The following CTNNA2 variants were observed in gnomAD, a reference collection of about 807,000 sequenced individuals.
CTNNA2 encodes the protein catenin alpha 2.
In CTNNA2, 42 loss-of-function variants were observed where a neutral mutation model predicts 101.0. The ratio of observed to expected loss-of-function variants is 0.42; its 90% CI spans 0.32 to 0.54. CTNNA2 has a LOEUF of 0.54. Ranked by LOEUF, CTNNA2 falls within the 20% of genes least tolerant of loss-of-function variation. The pLI, the probability that CTNNA2 is intolerant of heterozygous loss-of-function variation, is 0.14. For missense variants in CTNNA2, 871 were observed against 1,223.1 expected (o/e 0.71, Z 4.29); for synonymous variants, 450 against 456.4 (o/e 0.99, Z 0.18).
chr2:80,253,088 A>G (rs1671885576), intron 7 of CTNNA2, among the ~76,000 whole-genome samples: 1 of 151,966 alleles, frequency 6.6e-6, no homozygotes, highest in South Asian at 2.1e-4. Context: ...CTTTCACATC[A>G]CCATTATCTT....
chr2:80,504,552 G>T (rs753421612), intron 9 of CTNNA2, among the ~76,000 whole-genome samples: 6 of 152,156 alleles, frequency 3.9e-5, no homozygotes, highest in Non-Finnish European at 7.3e-5. Flanking sequence ...GGTGGTCTTA[G>T]AATTTTGTCT....
intron 7 of CTNNA2, among the ~76,000 whole-genome samples, chr2:80,089,781 T>A (rs1268454516): frequency 6.6e-6 from 1 of 151,958 alleles, no homozygotes; most frequent in African/African-American, 2.4e-5. Context: ...TCCAAGGGAC[T>A]CTTTTCCCAG....
chr2:79,442,099 T>G (rs1217679122), intron 4 of CTNNA2, among the ~76,000 whole-genome samples: 1 of 152,206 alleles, frequency 6.6e-6, no homozygotes, highest in Non-Finnish European at 1.5e-5. Context: ...TAAGTATTTA[T>G]TTGTTTATTA....
At chr2:80,195,167 G>A (rs1257741563) in intron 7 of CTNNA2, among the ~76,000 whole-genome samples, 1 of 152,092 alleles carries the variant, frequency 6.6e-6, no homozygotes, top group Non-Finnish European at 1.5e-5. Context: ...TCTAATGTAT[G>A]AGTATTCTCT....
chr2:79,486,329 G>T (rs2104560538), intron 4 of CTNNA2, among the ~76,000 whole-genome samples: 1 of 151,406 alleles, frequency 6.6e-6, no homozygotes, highest in South Asian at 2.1e-4. Flanking sequence ...GCGGTGTTTG[G>T]TTTTTTGTCC....
intron 7 of CTNNA2, among the ~76,000 whole-genome samples, chr2:80,392,327 A>G (rs150931849): frequency 7.9e-5 from 12 of 152,290 alleles, no homozygotes; most frequent in Middle Eastern, 3.4e-3. Context: ...GTTTGACTAA[A>G]ATTTAGATAA....
At chr2:79,606,485 G>A (rs955247592) in intron 1 of CTNNA2, among the ~76,000 whole-genome samples, 1 of 151,960 alleles carries the variant, frequency 6.6e-6, no homozygotes, top group African/African-American at 2.4e-5. Context: ...AGCCAAGATG[G>A]TCTCCACCTC....
intron 7 of CTNNA2, among the ~76,000 whole-genome samples, chr2:79,994,213 A>G (rs1464878663): frequency 6.6e-6 from 1 of 152,164 alleles, no homozygotes; most frequent in African/African-American, 2.4e-5. Context: ...CACTGCATCC[A>G]GCCAAAAGAG....
intron 7 of CTNNA2, among the ~76,000 whole-genome samples, chr2:80,089,147 G>A (rs981154214): frequency 1.3e-5 from 2 of 151,930 alleles, no homozygotes; most frequent in Non-Finnish European, 1.5e-5. Flanking sequence ...TCCTTAGCTG[G>A]TTTTTCTGAA....
At chr2:80,360,218 C>A (rs1329788574) in intron 7 of CTNNA2, among the ~76,000 whole-genome samples, 2 of 152,046 alleles carry the variant, frequency 1.3e-5, no homozygotes, top group East Asian at 3.9e-4. Flanking sequence ...TTTATATATG[C>A]TGAAAAGTTC....
intron 4 of CTNNA2, among the ~76,000 whole-genome samples, chr2:79,475,034 A>G (rs188866945): frequency 1.3e-5 from 2 of 152,312 alleles, no homozygotes; most frequent in Admixed American, 1.3e-4. Flanking sequence ...AATGAGTATA[A>G]AAATGTATGA....
chr2:79,654,044 A>G (rs1681440145), intron 2 of CTNNA2, among the ~76,000 whole-genome samples: 1 of 152,174 alleles, frequency 6.6e-6, no homozygotes, highest in Admixed American at 6.5e-5. Flanking sequence ...CCAAGAAGTT[A>G]ATGGTTTTCT....
chr2:79,982,638 A>G (rs1281242328), intron 7 of CTNNA2, among the ~76,000 whole-genome samples: 1 of 151,864 alleles, frequency 6.6e-6, no homozygotes, highest in Non-Finnish European at 1.5e-5. Context: ...ACTCAGTGTA[A>G]AATGACAACT....
chr2:79,714,041 C>T (rs1685913399), intron 2 of CTNNA2, among the ~76,000 whole-genome samples: 2 of 152,080 alleles, frequency 1.3e-5, no homozygotes, highest in Admixed American at 1.3e-4. Context: ...AACTGAATTC[C>T]ACCCTGCTTG....
intron 7 of CTNNA2, among the ~76,000 whole-genome samples, chr2:80,276,660 G>A (rs1038933447): frequency 1.3e-5 from 2 of 151,882 alleles, no homozygotes; most frequent in African/African-American, 4.8e-5. Context: ...GGAGAAGGAG[G>A]AGGAGGAGGA....
At position 79,993,501 on chromosome 2, in the gene CTNNA2, A is replaced by G. The variant is rs113659680; in HGVS notation, c.1056+83704A>G. Among the ~76,000 whole-genome samples the G allele has an allele frequency of 8.9e-3, 1,354 of 152,362 alleles. 12 individuals are homozygous for G. Among genetic ancestry groups the G allele is most frequent in the East Asian group, 0.036 (188 of 5,196 alleles). On this transcript the variant is annotated intron_variant, in intron 7 of 18. Coordinates refer to ENST00000402739, the MANE Select transcript of CTNNA2 (RefSeq NM_001282597.3). The stretch of plus-strand genomic sequence containing the variant: ...CTTAAGATCTCATCAAAGATGCAGT[A>G]TACAGTCACATGAAGAAGTGGAGTA...
chr2:79,272,520 A>T (rs1675107787), intron 2 of CTNNA2, among the ~76,000 whole-genome samples: 1 of 152,118 alleles, frequency 6.6e-6, no homozygotes, highest in African/African-American at 2.4e-5. Context: ...AATATTACTT[A>T]TTGGACATCA....
chr2:79,979,774 C>G (rs545827337), intron 7 of CTNNA2, among the ~76,000 whole-genome samples: 9 of 151,740 alleles, frequency 5.9e-5, no homozygotes, highest in Non-Finnish European at 1.2e-4. Context: ...CTTTAAGGCC[C>G]TGCACACTTA....
At chr2:79,673,439 G>A (rs936192306) in intron 2 of CTNNA2, among the ~76,000 whole-genome samples, 1 of 152,076 alleles carries the variant, frequency 6.6e-6, no homozygotes, top group Non-Finnish European at 1.5e-5. Flanking sequence ...TAGCTTTGTA[G>A]GAGATCAGGT....
Sources: gnomAD v4.1 joint callset for allele counts (sites outside exome capture counted in the v4.1 genomes callset) on GRCh38, gnomAD v4.1.1 for gene constraint, MANE v1.5 for transcripts, NCBI Gene and HGNC (gene_info 2026-07-23, HGNC 2026-07-21) for gene names.